GRHL1: variants seen among roughly 807,000 people sequenced by gnomAD.
GRHL1 encodes the protein grainyhead-like protein 1 homolog.
In GRHL1, 38 loss-of-function variants were observed where a neutral mutation model predicts 75.7. That is an observed-to-expected ratio of 0.50 (90% CI 0.39 to 0.66). The LOEUF is 0.66. Among genes scored for constraint, GRHL1 ranks in the 30% least tolerant of loss-of-function variants. The pLI is 0.00. For missense variants in GRHL1, 589 were observed against 767.5 expected (o/e 0.77, Z 2.75); for synonymous variants, 266 against 279.4 (o/e 0.95, Z 0.48).
Position 9,987,477 on chromosome 2 carries a change from AG to A in GRHL1, c.1269+1196del, listed in dbSNP as rs1320867559. Among the ~76,000 whole-genome samples, 1 of 152,176 alleles carries A rather than the reference AG, an allele frequency of 6.6e-6. No homozygotes were observed. On this transcript the variant is annotated intron_variant, in intron 9 of 15. Coordinates refer to ENST00000324907, the MANE Select transcript of GRHL1 (RefSeq NM_198182.3). This position sits in a 1 kb window ranked among gnomAD's most constrained non-coding sequence, Gnocchi z 4.2. ...CACCCCTGCACGGGAGCTCTTCCTTAGCTGTGTCCGAGTGGCTGAATCACAA... is the reference window on the plus strand; with the variant it reads ...CACCCCTGCACGGGAGCTCTTCCTTACTGTGTCCGAGTGGCTGAATCACAA...
chr2:9,989,151 T>C (rs1668540273), intron 9 of GRHL1, among the ~76,000 whole-genome samples: 2 of 152,214 alleles, frequency 1.3e-5, no homozygotes, highest in Non-Finnish European at 2.9e-5. Flanking sequence ...TATGTTAGTA[T>C]GCTACCACCT....
In GRHL1 at chr2:10,000,722, C is replaced by G. The variant is rs1334429687; in HGVS notation, c.*15C>G. The G allele has an allele frequency of 7.2e-7, 1 of 1,389,036 alleles. No individual in the cohort carries two copies. The allele number at this position is 1,389,036 out of a possible 1,614,324, so 86.0% of individuals were successfully genotyped here. On this transcript the variant is annotated 3_prime_UTR_variant, in exon 16 of 16. Transcript: ENST00000324907. ...CGGAGATCTAAAGGCCTGCGGGCCA[C>G]AGCTCCCCAGGAGTTCAGTGCAGGT...
chr2:9,972,093 A>G (rs887358688), intron 8 of GRHL1, among the ~76,000 whole-genome samples: 8 of 152,124 alleles, frequency 5.3e-5, no homozygotes, highest in Admixed American at 6.6e-5. Flanking sequence ...CAGCTGAAGA[A>G]AGCTTTAGTT....
chr2:9,974,090 A>G (rs566658744), intron 8 of GRHL1, among the ~76,000 whole-genome samples: 2 of 152,324 alleles, frequency 1.3e-5, no homozygotes, highest in African/African-American at 2.4e-5. Flanking sequence ...CTGGCTCTCT[A>G]TCCGTCACTG....
In GRHL1 at chr2:9,951,765, C is replaced by T. The variant is rs1407133086; in HGVS notation, c.-69C>T. 1.4e-6 allele frequency: 2 copies of T among 1,439,168 alleles called. No individual in the cohort carries two copies. The highest frequency in any genetic ancestry group is 1.9e-6 in the Non-Finnish European group (2 of 1,075,038). 89.1% of individuals were successfully genotyped at this position (1,439,168 alleles called of 1,614,324 possible). ...CGCAGCCGCCGCCGCCGCCTCCTCCCCCCGGATCGGGTGTACTGTCCCAAC... is the reference window on the plus strand; with the variant it reads ...CGCAGCCGCCGCCGCCGCCTCCTCCTCCCGGATCGGGTGTACTGTCCCAAC... On this transcript the variant is annotated 5_prime_UTR_variant, in exon 1 of 16. Coordinates refer to ENST00000324907, the MANE Select transcript of GRHL1 (RefSeq NM_198182.3). This position sits in a 1 kb window ranked among gnomAD's most constrained non-coding sequence, Gnocchi z 4.2.
chr2:9,969,128 A>G (rs1414557881), intron 8 of GRHL1, among the ~76,000 whole-genome samples: 1 of 152,226 alleles, frequency 6.6e-6, no homozygotes, highest in Non-Finnish European at 1.5e-5. Flanking sequence ...CCTGAGTTGT[A>G]AATCTTAAGA....
intron 8 of GRHL1, chr2:9,965,635 G>A (rs1282756884): frequency 4.4e-6 from 2 of 455,680 alleles, no homozygotes; most frequent in Non-Finnish European, 7.8e-6. Context: ...GTTCAGCCTT[G>A]AGTCTGACTC....
intron 10 of GRHL1, among the ~76,000 whole-genome samples, chr2:9,991,102 A>T (rs1433621495): frequency 6.6e-6 from 1 of 152,230 alleles, no homozygotes; most frequent in African/African-American, 2.4e-5. Context: ...AAGTAATAAT[A>T]ATGGTCTTGA....
At chr2:9,959,028 A>G (rs537040826) in intron 3 of GRHL1, 172 bp downstream of exon 3, 3 of 1,092,052 alleles carry the variant, frequency 2.7e-6, no homozygotes, top group Non-Finnish European at 3.7e-6. Context: ...TTGCTCTGAA[A>G]TTTCCTTTTT....
At chr2:9,959,823 T>TTGC (rs1338691850) in intron 3 of GRHL1, 1 of 152,240 alleles carries the variant, frequency 6.6e-6, no homozygotes, top group African/African-American at 2.4e-5. Flanking sequence ...ATCCTTACAA[T>TTGC]TGCTGCTATA....
intron 3 of GRHL1, chr2:9,959,085 TCTC>T (rs932432260): frequency 2.5e-6 from 1 of 405,646 alleles, no homozygotes; most frequent in Non-Finnish European, 4.4e-6. Context: ...GCACTAACAT[TCTC>T]CTCCTCCAAA....
intron 7 of GRHL1, 32 bp from the exon 8 acceptor site, chr2:9,965,255 G>T (rs747515968): frequency 1.7e-6 from 2 of 1,210,812 alleles, no homozygotes; most frequent in East Asian, 4.6e-5. Flanking sequence ...AGACTCATGA[G>T]TTTTCATTTT....
intron 7 of GRHL1, chr2:9,965,021 G>A: frequency 2.7e-6 from 1 of 367,444 alleles, no homozygotes; most frequent in Non-Finnish European, 4.9e-6. Flanking sequence ...TTGTGACCTT[G>A]GGACTGTTAT....
At chr2:9,970,994 G>A (rs1407928447) in intron 8 of GRHL1, among the ~76,000 whole-genome samples, 2 of 152,100 alleles carry the variant, frequency 1.3e-5, no homozygotes, top group African/African-American at 4.8e-5. Flanking sequence ...TGGAGTTCTT[G>A]GTGAGGGATT....
rs1056325901 is a variant in GRHL1, at chr2:9,984,660, C to A, written c.1111-1464C>A. The stretch of plus-strand genomic sequence containing the variant: ...GCCTTCCATTTCGAAGGTGGGGGAT[C>A]CCCCTGGATGGGTTCTCGCCGGCTT... On this transcript the variant is annotated intron_variant, in intron 8 of 15. Transcript: ENST00000324907. 5.9e-5 allele frequency among the ~76,000 whole-genome samples: 9 copies of A among 152,160 alleles called. No homozygotes were observed. The East Asian group carries it at 1.5e-3, about 26-fold the overall frequency.
chr2:9,994,310 A>AATTT (rs1668762987), intron 12 of GRHL1, among the ~76,000 whole-genome samples: 1 of 139,184 alleles, frequency 7.2e-6, no homozygotes. Flanking sequence ...ACACCCATCT[A>AATTT]ATTATTATTA....
rs1353272942 is a variant in GRHL1, at chr2:10,001,638, TTC to T, written c.*933_*934del. Reference sequence around the variant, plus strand: ...GCAAAACCTTCTCAAATGACAGAGATTCTGTTTGCTGTTGAGAATGTTGTTAT... The same window carrying T: ...GCAAAACCTTCTCAAATGACAGAGATTGTTTGCTGTTGAGAATGTTGTTAT... On this transcript the variant is annotated 3_prime_UTR_variant, in exon 16 of 16. Transcript: ENST00000324907. 1 of 152,236 alleles carries T rather than the reference TTC, an allele frequency of 6.6e-6. No individual in the cohort carries two copies. Among genetic ancestry groups the T allele is most frequent in the Non-Finnish European group, 1.5e-5 (1 of 68,050 alleles). The allele number at this position is 152,236 out of a possible 1,614,324, so 9.4% of individuals were successfully genotyped here. A position where few individuals can be genotyped will look rare whatever the true frequency, so the allele number is the denominator to read the frequency against.
intron 3 of GRHL1, 188 bp from the exon 4 acceptor site, chr2:9,960,858 G>A: frequency 1.8e-6 from 1 of 543,938 alleles, no homozygotes. Flanking sequence ...TAATAGGTTT[G>A]GATTTTATTT....
At position 9,955,068 on chromosome 2, in the gene GRHL1, C is replaced by T. The variant is rs11891762; in HGVS notation, c.174C>T (p.Ala58=). 6.0e-5 allele frequency: 96 copies of T among 1,613,276 alleles called. 1 individual carries two copies. In the Admixed American group the frequency reaches 1.3e-3, roughly 21 times the overall value. The change falls in exon 2 of 16, where the codon GCC becomes GCT. Residue 58 remains alanine (A), a synonymous_variant. Transcript: ENST00000324907. ...MMSINGDEDS[A]AALGLLYDYY... ...GCATCAATGGAGATGAAGACAGCGC[C>T]GCTGCGCTGGGCCTGCTCTATGACT... is the stretch of plus-strand genomic sequence containing the variant.
Sources: gnomAD v4.1 joint callset for allele counts (sites outside exome capture counted in the v4.1 genomes callset) on GRCh38, gnomAD v4.1.1 for gene constraint, Gnocchi (gnomAD v3.1) non-coding constraint, MANE v1.5 for transcripts, NCBI Gene and HGNC (gene_info 2026-07-23, HGNC 2026-07-21) for gene names.